Variants in TTC6 observed in about 807,000 individuals in gnomAD.
The protein encoded by TTC6 is tetratricopeptide repeat protein 6.
In TTC6, 172 loss-of-function variants were observed where a neutral mutation model predicts 210.4. The observed-to-expected ratio is 0.82, with a 90% CI of 0.72 to 0.93. The LOEUF is 0.93. Ranked by LOEUF, TTC6 falls within the 40% of genes least tolerant of loss-of-function variation. The pLI is 0.00. For missense variants in TTC6, 2,414 were observed against 2,318.1 expected (o/e 1.04, Z -0.85); for synonymous variants, 804 against 819.6 (o/e 0.98, Z 0.32).
chr14:37,709,931 A>G lies in TTC6; in HGVS notation c.1572-4724A>G, dbSNP rs1014692078. 5.9e-5 allele frequency among the ~76,000 whole-genome samples: 9 copies of G among 152,162 alleles called. No homozygotes were observed. In the South Asian group the frequency reaches 1.9e-3, roughly 31 times the overall value. ...CCTTGGCATCTGCTTTTTAAACAAC[A>G]TTCTCTGTAAGTTAATGTTTTTCAA... On this transcript the variant is annotated intron_variant, in intron 5 of 30. Coordinates refer to ENST00000553443, the Ensembl canonical transcript of TTC6.
chr14:37,837,236 A>T (rs2096199894), intron 29 of TTC6: 1 of 257,410 alleles, frequency 3.9e-6, no homozygotes, highest in African/African-American at 2.3e-5. Flanking sequence ...CTTTTACATG[A>T]TTGAAGGTAT....
At chr14:37,737,252 T>G (rs1489368879) in intron 8 of TTC6, among the ~76,000 whole-genome samples, 1 of 152,224 alleles carries the variant, frequency 6.6e-6, no homozygotes, top group South Asian at 2.1e-4. Flanking sequence ...TGCTCATGAT[T>G]AGAGGTGACT....
chr14:37,632,354 A>G (rs1429184803), intron 1 of TTC6, among the ~76,000 whole-genome samples: 1 of 152,114 alleles, frequency 6.6e-6, no homozygotes, highest in Non-Finnish European at 1.5e-5. Flanking sequence ...TTGTTAATTT[A>G]CCTTCAAACA....
intron 7 of TTC6, among the ~76,000 whole-genome samples, chr14:37,732,327 AGCC>A (rs2095889034): frequency 1.3e-5 from 2 of 148,684 alleles, no homozygotes; most frequent in Admixed American, 6.7e-5. Flanking sequence ...GGACTACAGG[AGCC>A]CGCCACCACG....
chr14:37,662,462 T>C (rs988366494), intron 1 of TTC6, among the ~76,000 whole-genome samples: 5 of 152,226 alleles, frequency 3.3e-5, no homozygotes, highest in African/African-American at 1.2e-4. Flanking sequence ...GTTTATTGAT[T>C]TGCGTATGTT....
chr14:37,672,821 AT>A lies in TTC6; in HGVS notation c.940-7311del, dbSNP rs377117749. 8.4e-3 allele frequency among the ~76,000 whole-genome samples: 1,082 copies of A among 128,952 alleles called. 8 individuals carry two copies. Among genetic ancestry groups the A allele is most frequent in the East Asian group, 0.024 (106 of 4,452 alleles). The allele number at this position is 128,952 out of a possible 152,430, so 84.6% of individuals were successfully genotyped here. ...TAAGCAAGCTTTTCATGAATTCCTC[AT>A]TTTTTTTTTTTTTTTTTTACTAAAA... is the stretch of plus-strand genomic sequence containing the variant. On this transcript the variant is annotated intron_variant, in intron 1 of 30. Transcript: ENST00000553443.
intron 28 of TTC6, 33 bp downstream of exon 30, chr14:37,826,380 C>T (rs2096171631): frequency 1.3e-6 from 2 of 1,532,448 alleles, no homozygotes; most frequent in Admixed American, 2.0e-5. Context: ...TTATTATTAG[C>T]ATAAATTAAC....
chr14:37,609,343 G>A (rs889513119), intron 2 of TTC6, among the ~76,000 whole-genome samples: 2 of 152,146 alleles, frequency 1.3e-5, no homozygotes, highest in African/African-American at 4.8e-5. Context: ...TTGAGCCTGG[G>A]AAGTCAAGGC....
chr14:37,834,567 A>G (rs2096193452), intron 29 of TTC6, among the ~76,000 whole-genome samples: 1 of 151,954 alleles, frequency 6.6e-6, no homozygotes, highest in Non-Finnish European at 1.5e-5. Flanking sequence ...TCGATTTCTC[A>G]TCTAAATCAT....
At chr14:37,669,176 G>A (rs937177703) in intron 1 of TTC6, among the ~76,000 whole-genome samples, 7 of 152,194 alleles carry the variant, frequency 4.6e-5, no homozygotes, top group African/African-American at 1.4e-4. Context: ...TTAATGGAGT[G>A]ATTTCCTTTT....
rs1435060094 is a variant in TTC6, at chr14:37,737,797, C to A, written c.1983+63C>A. The A allele has an allele frequency of 3.7e-5, 33 of 885,096 alleles. No homozygotes were observed. The Admixed American group carries it at 1.0e-3, about 27-fold the overall frequency. 54.8% of individuals were successfully genotyped at this position (885,096 alleles called of 1,614,324 possible). The stretch of plus-strand genomic sequence containing the variant: ...CATTTATATTCCTAGGAATAATAAT[C>A]ACCTTATTTTTTTTTAAAAGCATCT... On this transcript the variant is annotated intron_variant, in intron 9 of 30. Transcript: ENST00000553443.
At chr14:37,809,247 ATTTTTTTTTTTTT>A (rs3062846) in intron 24 of TTC6, among the ~76,000 whole-genome samples, 1 of 102,620 alleles carries the variant, frequency 9.7e-6, no homozygotes, top group Non-Finnish European at 2.0e-5. Context: ...CATATGCAGA[ATTTTTTTTTTTTT>A]TTTTTTTTTT....
At chr14:37,842,384 T>C in exon 31 of TTC6, 2 of 1,195,784 alleles carry the variant, frequency 1.7e-6, no homozygotes, top group Non-Finnish European at 2.2e-6. Flanking sequence ...CCATTTTCAT[T>C]ATTGTATTCG....
chr14:37,771,200 A>T (rs926762751), intron 14 of TTC6, among the ~76,000 whole-genome samples: 2 of 152,054 alleles, frequency 1.3e-5, no homozygotes, highest in African/African-American at 2.4e-5. Context: ...CTTCCCTTTG[A>T]GGGTAACCCG....
chr14:37,823,769 G>C, exon 27 of TTC6: 1 of 1,613,840 alleles, frequency 6.2e-7, no homozygotes, highest in South Asian at 1.1e-5. Flanking sequence ...TGAAGAAGCT[G>C]TCAATTTCTT....
At chr14:37,786,632 C>T (rs1167177256) in intron 14 of TTC6, among the ~76,000 whole-genome samples, 1 of 152,152 alleles carries the variant, frequency 6.6e-6, no homozygotes, top group African/African-American at 2.4e-5. Flanking sequence ...CACCCACTGT[C>T]CTGCACCAAC....
rs772434382 is a variant in TTC6, at chr14:37,841,412, A to G, written c.5299-33A>G. On this transcript the variant is annotated intron_variant, in intron 29 of 30. Transcript: ENST00000553443. ...CAAATTTCTGTATAGTAAGTTGCCA[A>G]TTAAAATATATCATTATCTTCATAT... The G allele has an allele frequency of 4.5e-6, 7 of 1,545,932 alleles. No homozygotes were observed. The East Asian group carries it at 1.1e-4, about 25-fold the overall frequency.
At chr14:37,599,668 G>A (rs916839024) in intron 1 of TTC6, among the ~76,000 whole-genome samples, 1 of 152,118 alleles carries the variant, frequency 6.6e-6, no homozygotes, top group African/African-American at 2.4e-5. Context: ...CTCTGGCCAC[G>A]GGAGAGCATC....
chr14:37,670,349 A>C (rs1424771655), intron 1 of TTC6, among the ~76,000 whole-genome samples: 1 of 152,144 alleles, frequency 6.6e-6, no homozygotes, highest in Non-Finnish European at 1.5e-5. Context: ...TACGTGATTA[A>C]ATACATTTCG....
Sources: allele counts gnomAD v4.1 joint callset (sites outside exome capture counted in the v4.1 genomes callset), GRCh38; gene constraint gnomAD v4.1.1; transcripts MANE v1.5; gene names NCBI Gene and HGNC (gene_info 2026-07-23, HGNC 2026-07-21).